The following LRRC47 variants were observed in gnomAD, a reference collection of about 807,000 sequenced individuals.
The protein encoded by LRRC47 is leucine-rich repeat-containing protein 47.
Under a neutral mutation model 40.9 loss-of-function variants are expected in LRRC47, and 31 were observed. The ratio of observed to expected loss-of-function variants is 0.76; its 90% confidence interval spans 0.57 to 1.02. LRRC47 has a LOEUF of 1.02. Ranked by LOEUF, LRRC47 falls within the 50% of genes least tolerant of loss-of-function variation. The pLI, the probability that LRRC47 is intolerant of heterozygous loss-of-function variation, is 0.00. For synonymous variants in LRRC47, 427 were observed against 371.9 expected (o/e 1.15, Z -1.70); for missense variants, 726 against 796.1 (o/e 0.91, Z 1.06).
chr1:3,789,942 C>T (rs112694867), intron 1 of LRRC47, among the ~76,000 whole-genome samples: 3,581 of 152,268 alleles, frequency 0.024, 69 homozygotes, highest in South Asian at 0.068. Flanking sequence ...CAAGCAGGCG[C>T]GCCCGCAAGG....
At chr1:3,784,566 G>A (rs1643553196) in intron 3 of LRRC47, among the ~76,000 whole-genome samples, 1 of 103,578 alleles carries the variant, frequency 9.7e-6, no homozygotes, top group Admixed American at 8.5e-5. Context: ...TAGTGAGCGA[G>A]TGAAGGAAAC....
chr1:3,784,466 G>A (rs1265218516), intron 3 of LRRC47, among the ~76,000 whole-genome samples: 2 of 152,198 alleles, frequency 1.3e-5, no homozygotes, highest in Non-Finnish European at 2.9e-5. Context: ...CAACAGCCCA[G>A]GACAGCACGA....
intron 3 of LRRC47, among the ~76,000 whole-genome samples, chr1:3,784,640 G>A (rs572271061): frequency 2.0e-5 from 3 of 152,342 alleles, no homozygotes; most frequent in South Asian, 4.1e-4. Context: ...TCGAGTAACC[G>A]CAAACGCGGT....
rs1456630944 is a variant in LRRC47 at position 3,795,871 on chromosome 1, G to C, written c.606C>G (p.Ala202=). The change falls in exon 1 of 7, where the codon GCC becomes GCG. Residue 202 remains alanine (A), a synonymous_variant. Transcript: ENST00000378251. ...RELSPDIAHL[A]SLKTLDLSNN... is the part of the protein sequence containing the mutation. ...GGCAGCCCCCGCTGACCTTGAGCGA[G>C]GCCAGGTGGGCGATGTCGGGGCTGA... 1 of 1,588,104 alleles carries C rather than the reference G, an allele frequency of 6.3e-7. No homozygotes were observed. Among genetic ancestry groups the C allele is most frequent in the African/African-American group, 1.4e-5 (1 of 73,522 alleles).
chr1:3,780,946 A>T lies in LRRC47; in HGVS notation c.*142T>A. 1 of 1,300,288 alleles carries T rather than the reference A, an allele frequency of 7.7e-7. No homozygotes were observed. Among genetic ancestry groups the T allele is most frequent in the Non-Finnish European group, 1.0e-6 (1 of 952,816 alleles). The allele number at this position is 1,300,288 out of a possible 1,614,324, so 80.5% of individuals were successfully genotyped here. ...ACTCGAGATCACGCCACTGCACTCCAGCCTGGCGACAGAGCGAGACTCCAT... is the reference window on the plus strand; with the variant it reads ...ACTCGAGATCACGCCACTGCACTCCTGCCTGGCGACAGAGCGAGACTCCAT... On this transcript the variant is annotated 3_prime_UTR_variant, in exon 7 of 7. Coordinates refer to ENST00000378251, the MANE Select transcript of LRRC47 (RefSeq NM_020710.3).
At position 3,780,745 on chromosome 1, in the gene LRRC47, A is replaced by T; in HGVS notation, c.*343T>A. 3.9e-6 allele frequency: 1 copy of T among 257,860 alleles called. No homozygotes were observed. The allele number at this position is 257,860 out of a possible 1,614,324, so 16.0% of individuals were successfully genotyped here. On this transcript the variant is annotated 3_prime_UTR_variant, in exon 7 of 7. Coordinates refer to ENST00000378251, the MANE Select transcript of LRRC47 (RefSeq NM_020710.3). ...GTAATCCCAGCACTTTGAGGGGCAGAGGTGGACAGATCATGAGGTCAAGAG... is the reference window on the plus strand; with the variant it reads ...GTAATCCCAGCACTTTGAGGGGCAGTGGTGGACAGATCATGAGGTCAAGAG...
chr1:3,788,270 C>T (rs1464580404), intron 1 of LRRC47, among the ~76,000 whole-genome samples: 4 of 152,230 alleles, frequency 2.6e-5, no homozygotes, highest in African/African-American at 4.8e-5. Flanking sequence ...GCAGGCACTG[C>T]GAGCAAACCC....
intron 4 of LRRC47, chr1:3,783,155 C>T (rs967538093): frequency 5.8e-6 from 1 of 172,680 alleles, no homozygotes; most frequent in African/African-American, 2.4e-5. Context: ...CGTGGTGGCT[C>T]ACGCCTGTAA....
intron 1 of LRRC47, among the ~76,000 whole-genome samples, chr1:3,791,690 A>C (rs981192818): frequency 6.6e-6 from 1 of 152,144 alleles, no homozygotes; most frequent in Non-Finnish European, 1.5e-5. Flanking sequence ...TCCCAACCTC[A>C]GGTGATCCGC....
chr1:3,795,350 G>T (rs1158994229), intron 1 of LRRC47, among the ~76,000 whole-genome samples: 3 of 152,166 alleles, frequency 2.0e-5, no homozygotes, highest in Admixed American at 1.3e-4. Context: ...GCTTACTTTG[G>T]GCAGGCCCTT....
rs189326752 is a variant in LRRC47, at chr1:3,787,512, G to A, written c.616-202C>T. ...GCACCCCACATCAAAGGCACTATCC[G>A]AGGAGCCTCTCCGAGGAGAAGGCGT... On this transcript the variant is annotated intron_variant, in intron 1 of 6. Coordinates refer to ENST00000378251, the MANE Select transcript of LRRC47 (RefSeq NM_020710.3). Among the ~76,000 whole-genome samples the A allele has an allele frequency of 2.6e-3, 398 of 152,306 alleles. 1 individual carries two copies. Among genetic ancestry groups the A allele is most frequent in the Non-Finnish European group, 4.5e-3 (305 of 68,028 alleles).
chr1:3,787,780 C>G (rs1164188934), intron 1 of LRRC47, among the ~76,000 whole-genome samples: 4 of 151,948 alleles, frequency 2.6e-5, no homozygotes, highest in African/African-American at 9.7e-5. Flanking sequence ...AAAAAAAATA[C>G]AGCAAAATCT....
In LRRC47 at chr1:3,796,061, T is replaced by A; in HGVS notation, c.416A>T (p.Asn139Ile). Residue 139 changes from asparagine to isoleucine, a missense_variant, in exon 1 of 7, where the codon AAC (asparagine) becomes ATC (isoleucine). By Grantham distance (149) the Asn-to-Ile change is moderately radical (BLOSUM62 -3). Coordinates refer to ENST00000378251, the MANE Select transcript of LRRC47 (RefSeq NM_020710.3). ...PQLQSLNLSGNRLRELPADLA... is the reference protein window; with the variant it reads ...PQLQSLNLSGIRLRELPADLA... The stretch of plus-strand genomic sequence containing the variant: ...GTCGGCTGGCAGCTCGCGCAGCCGG[T>A]TGCCGCTGAGGTTGAGGCTCTGCAG... The A allele has an allele frequency of 6.5e-7, 1 of 1,538,750 alleles. No individual in the cohort carries two copies.
intron 1 of LRRC47, among the ~76,000 whole-genome samples, chr1:3,795,454 A>G (rs1570743050): frequency 1.3e-5 from 2 of 152,266 alleles, no homozygotes; most frequent in African/African-American, 4.8e-5. Flanking sequence ...AGCATGTGGC[A>G]TTATGCAAAA....
At chr1:3,792,739 G>A (rs1341882722) in intron 1 of LRRC47, among the ~76,000 whole-genome samples, 1 of 152,198 alleles carries the variant, frequency 6.6e-6, no homozygotes, top group Admixed American at 6.5e-5. Context: ...GATAACAAGC[G>A]TGGGCCTGGC....
chr1:3,790,088 G>A (rs140745744), intron 1 of LRRC47, among the ~76,000 whole-genome samples: 326 of 152,332 alleles, frequency 2.1e-3, no homozygotes, highest in African/African-American at 7.4e-3. Context: ...CACAACCCTC[G>A]CAGTGGCTAA....
chr1:3,785,106 CG>C lies in LRRC47; in HGVS notation c.1174del (p.Arg392GlyfsTer67), dbSNP rs1557641448. 1.9e-6 allele frequency: 3 copies of C among 1,598,254 alleles called. No homozygotes were observed. The highest frequency in any genetic ancestry group is 1.4e-5 in the African/African-American group (1 of 73,718). On this transcript the variant is annotated frameshift_variant, in exon 3 of 7. Transcript: ENST00000378251. LOFTEE classifies it high-confidence loss of function. ...CAGCACCTTGAGGTCCTGTGGGGGCCGGGCGCAGTACAGCAGGGGCCCTTTG... is the reference window on the plus strand; with the variant it reads ...CAGCACCTTGAGGTCCTGTGGGGGCCGGCGCAGTACAGCAGGGGCCCTTTG... Reference protein sequence around the residue: ...AVKGPLLYCARPPQDLKIVPL... With the variant: ...AVKGPLLYCAXPPQDLKIVPL...
At position 3,780,777 on chromosome 1, in the gene LRRC47, A is replaced by G. The variant is rs1643510587; in HGVS notation, c.*311T>C. ...CAGATCATGAGGTCAAGAGATCAAG[A>G]CCATCCTGGTCAAAATGGTGAAACC... On this transcript the variant is annotated 3_prime_UTR_variant, in exon 7 of 7. Coordinates refer to ENST00000378251, the MANE Select transcript of LRRC47 (RefSeq NM_020710.3). 2.9e-6 allele frequency: 1 copy of G among 340,770 alleles called. No homozygotes were observed. The allele number at this position is 340,770 out of a possible 1,614,324, so 21.1% of individuals were successfully genotyped here.
At position 3,796,241 on chromosome 1, in the gene LRRC47, C is replaced by A; in HGVS notation, c.236G>T (p.Ser79Ile). Residue 79 changes from serine to isoleucine, a missense_variant, in exon 1 of 7, where the codon AGC becomes ATC. By Grantham distance (142) the Ser-to-Ile change is moderately radical. Coordinates refer to ENST00000378251, the MANE Select transcript of LRRC47 (RefSeq NM_020710.3). Reference protein sequence around the residue: ...GLAQGLPQLHSLVLRRNALGP... With the variant: ...GLAQGLPQLHILVLRRNALGP... Reference sequence around the variant, plus strand: ...CAGCGCGTTGCGCCGCAGCACGAGGCTGTGCAGCTGCGGCAGGCCCTGCGC... The same window carrying A: ...CAGCGCGTTGCGCCGCAGCACGAGGATGTGCAGCTGCGGCAGGCCCTGCGC... 1 of 1,449,920 alleles carries A rather than the reference C, an allele frequency of 6.9e-7. No homozygotes were observed. The highest frequency in any genetic ancestry group is 9.0e-7 in the Non-Finnish European group (1 of 1,110,848). The allele number at this position is 1,449,920 out of a possible 1,614,324, so 89.8% of individuals were successfully genotyped here. A position where few individuals can be genotyped will look rare whatever the true frequency, so the allele number is the denominator to read the frequency against.
Sources: allele counts gnomAD v4.1 joint callset (sites outside exome capture counted in the v4.1 genomes callset), GRCh38; gene constraint gnomAD v4.1.1; transcripts MANE v1.5; gene names NCBI Gene and HGNC (gene_info 2026-07-23, HGNC 2026-07-21).